FAM193A: variants seen among roughly 807,000 people sequenced by gnomAD.
FAM193A encodes the protein family with sequence similarity 193 member A.
FAM193A carries 22 observed loss-of-function variants against 126.5 expected under a neutral mutation model. The ratio of observed to expected loss-of-function variants is 0.17; its 90% CI spans 0.12 to 0.25. FAM193A has a LOEUF of 0.25. Among genes scored for constraint, FAM193A ranks in the 10% least tolerant of loss-of-function variants. FAM193A has a pLI of 1.00. For synonymous variants in FAM193A, 761 were observed against 646.8 expected (o/e 1.18, Z -2.68); for missense variants, 1,675 against 1,672.8 (o/e 1.00, Z -0.02).
chr4:2,655,155 T>A (rs1235098332), intron 7 of FAM193A: 1 of 688,800 alleles, frequency 1.5e-6, no homozygotes, highest in African/African-American at 1.8e-5. Flanking sequence ...TGAAGTTTGA[T>A]GCTTGCCATA....
At chr4:2,711,432 T>G (rs975782614) in intron 19 of FAM193A, among the ~76,000 whole-genome samples, 1 of 151,158 alleles carries the variant, frequency 6.6e-6, no homozygotes, top group Non-Finnish European at 1.5e-5. Flanking sequence ...CTCTGCCTCC[T>G]GGGTTCAAGC....
chr4:2,557,249 T>G (rs74526600), intron 1 of FAM193A, among the ~76,000 whole-genome samples: 4 of 152,206 alleles, frequency 2.6e-5, no homozygotes, highest in African/African-American at 4.8e-5. Flanking sequence ...CACCTGTTTT[T>G]GAACCACAGT....
intron 13 of FAM193A, among the ~76,000 whole-genome samples, chr4:2,684,276 T>C (rs1715475103): frequency 6.6e-6 from 1 of 152,208 alleles, no homozygotes; most frequent in Admixed American, 6.5e-5. Flanking sequence ...GAGAACTTTT[T>C]TGGGATCAGT....
chr4:2,648,140 C>T (rs1745328480), intron 7 of FAM193A, among the ~76,000 whole-genome samples: 1 of 152,238 alleles, frequency 6.6e-6, no homozygotes, highest in African/African-American at 2.4e-5. Context: ...TCTGCATTCT[C>T]AGCCTCCCAA....
At chr4:2,672,014 A>G in intron 12 of FAM193A, 107 bp from the exon 13 acceptor site, 2 of 1,271,432 alleles carry the variant, frequency 1.6e-6, no homozygotes, top group South Asian at 1.4e-5. Context: ...GGAAAAGCCC[A>G]CTTACCTTTG....
chr4:2,584,421 G>A (rs1349581934), intron 1 of FAM193A, among the ~76,000 whole-genome samples: 2 of 132,670 alleles, frequency 1.5e-5, no homozygotes, highest in Non-Finnish European at 3.1e-5. Flanking sequence ...GTGAGATTCC[G>A]TCTCAAAAAA....
intron 2 of FAM193A, among the ~76,000 whole-genome samples, chr4:2,604,894 C>T (rs1353960808): frequency 1.4e-5 from 2 of 146,498 alleles, no homozygotes; most frequent in Non-Finnish European, 3.0e-5. Context: ...ACCTCCTGGG[C>T]TCAAGTGATT....
At chr4:2,541,145 C>T (rs1737210172) in intron 1 of FAM193A, among the ~76,000 whole-genome samples, 1 of 151,838 alleles carries the variant, frequency 6.6e-6, no homozygotes, top group Non-Finnish European at 1.5e-5. Flanking sequence ...TGGCGCATGC[C>T]TGTAATCCTA....
rs940079359 is a variant in FAM193A at position 2,538,197 on chromosome 4, CT to C, written c.255+1040del. On this transcript the variant is annotated intron_variant, in intron 1 of 20. Transcript: ENST00000637812. ...GTGCTAAATCATGACACAAATTGTT[CT>C]TTTTTTTTTTTTCTTTTGAGAACGG... Among the ~76,000 whole-genome samples, 301 of 144,600 alleles carry C rather than the reference CT, an allele frequency of 2.1e-3. 1 individual carries two copies. The highest frequency in any genetic ancestry group is 5.1e-3 in the African/African-American group (201 of 39,800). 94.9% of individuals were successfully genotyped at this position (144,600 alleles called of 152,430 possible). A position where few individuals can be genotyped will look rare whatever the true frequency, so the allele number is the denominator to read the frequency against.
chr4:2,570,873 C>G (rs7657770), intron 1 of FAM193A, among the ~76,000 whole-genome samples: 10,401 of 152,198 alleles, frequency 0.068, 632 homozygotes, highest in African/African-American at 0.16. Flanking sequence ...GGTCATGTAT[C>G]CTGGGTAGTA....
In FAM193A at chr4:2,714,273, T is replaced by A. The variant is rs1004270227; in HGVS notation, c.4373-1750T>A. Among the ~76,000 whole-genome samples, 3 of 152,124 alleles carry A rather than the reference T, an allele frequency of 2.0e-5. No homozygotes were observed. The East Asian group carries it at 5.8e-4, about 29-fold the overall frequency. On this transcript the variant is annotated intron_variant, in intron 19 of 20. Coordinates refer to ENST00000637812, the MANE Select transcript of FAM193A (RefSeq NM_001366318.2). Reference sequence around the variant, plus strand: ...TTTCTGCTGCTTGAGTTTTTAAAAATCGAGACTCAGAATGCTTTCCCATGC... The same window carrying A: ...TTTCTGCTGCTTGAGTTTTTAAAAAACGAGACTCAGAATGCTTTCCCATGC...
intron 1 of FAM193A, among the ~76,000 whole-genome samples, chr4:2,590,760 G>A (rs111959096): frequency 1.8e-4 from 28 of 152,030 alleles, no homozygotes; most frequent in African/African-American, 6.5e-4. Flanking sequence ...AGGCGCAGTG[G>A]CTCACACCTG....
chr4:2,558,209 C>T (rs994983995), intron 1 of FAM193A, among the ~76,000 whole-genome samples: 19 of 149,290 alleles, frequency 1.3e-4, no homozygotes, highest in Admixed American at 7.4e-4. Context: ...GAGGAGGTTG[C>T]AGTGAGCCTA....
At chr4:2,726,160 A>G (rs1469995750) in intron 20 of FAM193A, among the ~76,000 whole-genome samples, 4 of 152,102 alleles carry the variant, frequency 2.6e-5, no homozygotes, top group African/African-American at 9.7e-5. Flanking sequence ...CAGCCTCCCA[A>G]AGTACTGGGA....
chr4:2,704,808 A>G (rs1008605966), intron 19 of FAM193A, among the ~76,000 whole-genome samples: 3 of 152,146 alleles, frequency 2.0e-5, no homozygotes, highest in Non-Finnish European at 4.4e-5. Context: ...CAATGAGGTC[A>G]ATATATTATT....
At chr4:2,661,014 A>G (rs1405225279) in intron 10 of FAM193A, among the ~76,000 whole-genome samples, 2 of 152,180 alleles carry the variant, frequency 1.3e-5, no homozygotes, top group Non-Finnish European at 2.9e-5. Context: ...ACTGAAACAT[A>G]AAAATTAAAC....
chr4:2,693,466 C>A, intron 15 of FAM193A, 120 bp from the exon 16 acceptor site: 1 of 930,270 alleles, frequency 1.1e-6, no homozygotes, highest in Non-Finnish European at 1.7e-6. Flanking sequence ...AATATTAGGT[C>A]GTGAAGATGA....
chr4:2,649,280 G>A (rs995976936), intron 7 of FAM193A, among the ~76,000 whole-genome samples: 5 of 151,722 alleles, frequency 3.3e-5, no homozygotes, highest in Non-Finnish European at 7.4e-5. Flanking sequence ...AGAGTGAGTG[G>A]GGGAGGATCA....
chr4:2,561,442 C>T (rs193294820), intron 1 of FAM193A, among the ~76,000 whole-genome samples: 1 of 150,890 alleles, frequency 6.6e-6, no homozygotes, highest in African/African-American at 2.4e-5. Context: ...CTTGATCTCC[C>T]AAAGTGCTGG....
Sources: allele counts gnomAD v4.1 joint callset (sites outside exome capture counted in the v4.1 genomes callset), GRCh38; gene constraint gnomAD v4.1.1; transcripts MANE v1.5; gene names NCBI Gene and HGNC (gene_info 2026-07-23, HGNC 2026-07-21).